HK2: variants seen among roughly 807,000 people sequenced by gnomAD.
HK2 encodes the protein hexokinase 2.
In HK2, 42 loss-of-function variants were observed where a neutral mutation model predicts 92.9. The observed-to-expected ratio is 0.45, with a 90% CI of 0.35 to 0.58. The LOEUF (loss-of-function observed/expected upper bound fraction) is 0.58, where lower values mean the gene tolerates loss of function less well. Ranked by LOEUF, HK2 falls within the 20% of genes least tolerant of loss-of-function variation. HK2 has a pLI of 0.00. For missense variants in HK2, 978 were observed against 1,245.1 expected (o/e 0.79, Z 3.23); for synonymous variants, 422 against 468.0 (o/e 0.90, Z 1.27).
chr2:74,878,443 A>G (rs1002000613), intron 8 of HK2, among the ~76,000 whole-genome samples: 1 of 150,444 alleles, frequency 6.6e-6, no homozygotes, highest in African/African-American at 2.5e-5. Flanking sequence ...GTGTGTGCGC[A>G]CGCACATGCG....
chr2:74,863,644 A>G (rs1688884107), intron 2 of HK2, among the ~76,000 whole-genome samples: 2 of 152,120 alleles, frequency 1.3e-5, no homozygotes, highest in African/African-American at 4.8e-5. Flanking sequence ...TCCTCGTTTC[A>G]TTTGGAGTAT....
chr2:74,882,270 T>TGGTTTTATTGA (rs1558804156), intron 12 of HK2, 31 bp downstream of exon 12: 1 of 1,613,360 alleles, frequency 6.2e-7, no homozygotes, highest in South Asian at 1.1e-5. Flanking sequence ...GGCTCTCCTG[T>TGGTTTTATTGA]GGGCTTTATT....
At chr2:74,847,584 G>C (rs536272038) in intron 1 of HK2, among the ~76,000 whole-genome samples, 3 of 152,250 alleles carry the variant, frequency 2.0e-5, no homozygotes, top group African/African-American at 7.2e-5. Flanking sequence ...TACTTGGGAG[G>C]CTGCAGTGGA....
At chr2:74,848,946 G>A (rs1376103320) in intron 1 of HK2, among the ~76,000 whole-genome samples, 1 of 152,176 alleles carries the variant, frequency 6.6e-6, no homozygotes, top group South Asian at 2.1e-4. Context: ...CGATGGGCCT[G>A]GTTTCTCTGA....
At chr2:74,874,555 G>A (rs1689181640) in intron 7 of HK2, 106 bp downstream of exon 7, 2 of 1,126,304 alleles carry the variant, frequency 1.8e-6, no homozygotes, top group East Asian at 2.6e-5. Flanking sequence ...CATCCCCAAA[G>A]CTTGCCAAGG....
intron 14 of HK2, 37 bp downstream of exon 14, chr2:74,886,430 A>C: frequency 6.2e-7 from 1 of 1,613,958 alleles, no homozygotes; most frequent in Non-Finnish European, 8.5e-7. Flanking sequence ...ATGGGGATGC[A>C]CAGCCTTGGG....
intron 4 of HK2, 91 bp downstream of exon 4, chr2:74,872,510 G>A (rs1191106547): frequency 2.1e-6 from 3 of 1,427,530 alleles, no homozygotes; most frequent in African/African-American, 2.9e-5. Flanking sequence ...GGTGGTGGTG[G>A]TAGCACTGGA....
chr2:74,878,844 C>T lies in HK2; in HGVS notation c.1188C>T (p.Arg396=). 1 of 1,555,382 alleles carries T rather than the reference C, an allele frequency of 6.4e-7. No individual in the cohort carries two copies. The highest frequency in any genetic ancestry group is 8.7e-7 in the Non-Finnish European group (1 of 1,148,936). ...CCACCCTGGCCGCCGTGCTGCAGCG[C>T]ATCAAGGAGAACAAAGGCGAGGAGC... ...CAATLAAVLQ[R]IKENKGEERL... Residue 396 remains arginine, a synonymous_variant, in exon 9 of 18, where the codon CGC becomes CGT. Coordinates refer to ENST00000290573, the MANE Select transcript of HK2 (RefSeq NM_000189.5).
In HK2 at chr2:74,892,184, T is replaced by G. The variant is rs1272679983; in HGVS notation, c.*1243T>G. The G allele has an allele frequency of 6.6e-6, 1 of 152,320 alleles. No individual in the cohort carries two copies. The highest frequency in any genetic ancestry group is 2.4e-5 in the African/African-American group (1 of 41,450). 9.4% of individuals were successfully genotyped at this position (152,320 alleles called of 1,614,324 possible). On this transcript the variant is annotated 3_prime_UTR_variant, in exon 18 of 18. Transcript: ENST00000290573. ...CTCATGGCTTAGAAATCTTTATTCT[T>G]AGGGCAGTCAGTAGTATTCTAAAGC...
Position 74,887,895 on chromosome 2 carries a change from C to G in HK2, c.2220-8C>G, listed in dbSNP as rs754301433. On this transcript the variant is annotated splice_polypyrimidine_tract_variant and splice_region_variant and intron_variant, in intron 15 of 17. Transcript: ENST00000290573. Reference sequence around the variant, plus strand: ...ACTTAACCTCCATGAATGTTACTTGCATTGCAGGTTCGAGAAAATGATCAG... The same window carrying G: ...ACTTAACCTCCATGAATGTTACTTGGATTGCAGGTTCGAGAAAATGATCAG... 2 of 1,613,078 alleles carry G rather than the reference C, an allele frequency of 1.2e-6. No individual in the cohort carries two copies. Among genetic ancestry groups the G allele is most frequent in the Admixed American group, 3.3e-5 (2 of 60,000 alleles).
chr2:74,853,773 T>A (rs1688627412), intron 1 of HK2, among the ~76,000 whole-genome samples: 1 of 151,132 alleles, frequency 6.6e-6, no homozygotes. Context: ...TTTTGAGCTT[T>A]GTTCCAATGG....
intron 9 of HK2, 93 bp downstream of exon 9, chr2:74,879,014 G>T (rs886130488): frequency 9.3e-7 from 1 of 1,077,820 alleles, no homozygotes; most frequent in African/African-American, 1.6e-5. Context: ...CATTTCAGGG[G>T]TGGTGTGGAG....
At chr2:74,871,976 T>C (rs1416730563) in intron 3 of HK2, among the ~76,000 whole-genome samples, 1 of 152,212 alleles carries the variant, frequency 6.6e-6, no homozygotes. Context: ...GAAGTGACTT[T>C]CTGATTAATG....
intron 13 of HK2, among the ~76,000 whole-genome samples, 175 bp from the exon 14 acceptor site, chr2:74,886,119 A>G (rs1389061172): frequency 6.6e-6 from 1 of 152,172 alleles, no homozygotes; most frequent in East Asian, 1.9e-4. Flanking sequence ...AAATAGCACA[A>G]CTTGGGAGGG....
intron 12 of HK2, among the ~76,000 whole-genome samples, chr2:74,882,682 C>T (rs1047485821): frequency 7.0e-6 from 1 of 143,708 alleles, no homozygotes; most frequent in South Asian, 2.2e-4. Flanking sequence ...TGCATTATCT[C>T]GTTTAACCCT....
chr2:74,856,070 C>T (rs543483071), intron 2 of HK2, among the ~76,000 whole-genome samples: 3 of 152,186 alleles, frequency 2.0e-5, no homozygotes, highest in East Asian at 1.9e-4. Flanking sequence ...AACCAGGAGG[C>T]ACAGTGTCCA....
At chr2:74,852,089 A>C (rs1335846571) in intron 1 of HK2, among the ~76,000 whole-genome samples, 2 of 152,178 alleles carry the variant, frequency 1.3e-5, no homozygotes, top group Admixed American at 6.5e-5. Context: ...CCTACCTCAG[A>C]GGGCTGTTCT....
intron 3 of HK2, 83 bp from the exon 4 acceptor site, chr2:74,872,215 GTT>G: frequency 7.1e-7 from 1 of 1,412,674 alleles, no homozygotes; most frequent in Non-Finnish European, 1.0e-6. Flanking sequence ...CATTCAGCTA[GTT>G]ACGTGCTGAG....
In HK2 at chr2:74,873,837, T is replaced by A. The variant is rs1250769059; in HGVS notation, c.592-7T>A. 1.2e-6 allele frequency: 2 copies of A among 1,610,364 alleles called. No homozygotes were observed. The highest frequency in any genetic ancestry group is 1.7e-6 in the Non-Finnish European group (2 of 1,176,740). ...GAAGGTCAGAGCCCTCCCATTTGTCTCCACAGGACTTTGATATCGACATTG... is the reference window on the plus strand; with the variant it reads ...GAAGGTCAGAGCCCTCCCATTTGTCACCACAGGACTTTGATATCGACATTG... On this transcript the variant is annotated splice_region_variant and splice_polypyrimidine_tract_variant and intron_variant, in intron 5 of 17. Coordinates refer to ENST00000290573, the MANE Select transcript of HK2 (RefSeq NM_000189.5).
Sources: allele counts gnomAD v4.1 joint callset (sites outside exome capture counted in the v4.1 genomes callset), GRCh38; gene constraint gnomAD v4.1.1; transcripts MANE v1.5; gene names NCBI Gene and HGNC (gene_info 2026-07-23, HGNC 2026-07-21).